Variants in MEI1 observed in about 807,000 individuals in gnomAD.
MEI1 encodes the protein meiosis inhibitor protein 1.
Under a neutral mutation model 146.2 loss-of-function variants are expected in MEI1, and 103 were observed. The ratio of observed to expected loss-of-function variants is 0.70; its 90% CI spans 0.60 to 0.83. The LOEUF is 0.83. Ranked by LOEUF, MEI1 falls within the 40% of genes least tolerant of loss-of-function variation. MEI1 has a pLI of 0.00. For synonymous variants in MEI1, 652 were observed against 628.2 expected, an observed-to-expected ratio of 1.04 and a Z score of -0.57; for missense variants, 1,529 against 1,533.0, an observed-to-expected ratio of 1.00 and a Z score of 0.04.
chr22:41,774,790 C>T (rs774859759), intron 20 of MEI1, among the ~76,000 whole-genome samples: 115 of 152,158 alleles, frequency 7.6e-4, no homozygotes, highest in Non-Finnish European at 1.4e-3. Flanking sequence ...TGTATAAACA[C>T]AACATAGTAC....
intron 20 of MEI1, among the ~76,000 whole-genome samples, chr22:41,773,290 A>G (rs2075282374): frequency 6.6e-6 from 1 of 152,332 alleles, no homozygotes; most frequent in South Asian, 2.1e-4. Flanking sequence ...AGGACTAGGA[A>G]GATAGAGGCT....
chr22:41,748,736 C>T (rs1294435906), intron 15 of MEI1, among the ~76,000 whole-genome samples: 1 of 151,974 alleles, frequency 6.6e-6, no homozygotes, highest in Admixed American at 6.6e-5. Context: ...GGTTAAGTAA[C>T]TTGCCTAAGG....
intron 19 of MEI1, 32 bp from the exon 20 acceptor site, chr22:41,770,654 G>A (rs1353402375): frequency 5.0e-6 from 8 of 1,601,840 alleles, no homozygotes; most frequent in African/African-American, 1.3e-5. Context: ...TCTGCAAGGT[G>A]TATTTACCTC....
intron 4 of MEI1, among the ~76,000 whole-genome samples, chr22:41,714,375 G>T (rs2069896477): frequency 6.6e-6 from 1 of 152,066 alleles, no homozygotes; most frequent in Non-Finnish European, 1.5e-5. Flanking sequence ...TTATAATACA[G>T]ATTTCCTTGA....
intron 15 of MEI1, among the ~76,000 whole-genome samples, chr22:41,749,835 G>A (rs935377333): frequency 6.6e-6 from 1 of 151,902 alleles, no homozygotes; most frequent in Non-Finnish European, 1.5e-5. Context: ...CTTCTGGCTG[G>A]CTTCTATGTG....
chr22:41,787,327 G>A (rs2076027675), intron 26 of MEI1, among the ~76,000 whole-genome samples: 1 of 152,118 alleles, frequency 6.6e-6, no homozygotes, highest in African/African-American at 2.4e-5. Context: ...ACAGCAATGA[G>A]AGAGTTTTAC....
chr22:41,749,003 A>ACC (rs1374252938), intron 15 of MEI1, among the ~76,000 whole-genome samples: 1 of 151,754 alleles, frequency 6.6e-6, no homozygotes, highest in Non-Finnish European at 1.5e-5. Flanking sequence ...ACGGGGTTTC[A>ACC]CCGTGTTAGC....
chr22:41,784,367 A>T lies in MEI1; in HGVS notation c.3116A>T (p.Asp1039Val). 6.2e-7 allele frequency: 1 copy of T among 1,613,938 alleles called. No homozygotes were observed. Among genetic ancestry groups the T allele is most frequent in the South Asian group, 1.1e-5 (1 of 91,086 alleles). The change falls in exon 25 of 31, where the codon GAC becomes GTC. Residue 1039 changes from aspartate to valine, a missense_variant. Coordinates refer to ENST00000401548, the MANE Select transcript of MEI1 (RefSeq NM_152513.4). ...CACCAGACACTCTCTGTGGAAATGG[A>T]CCAAGTATTGAAGGCTCTCAGCTTT... ...QVHQTLSVEM[D>V]QVLKALSFPK...
chr22:41,743,946 G>A (rs1232735467), intron 12 of MEI1, among the ~76,000 whole-genome samples: 8 of 151,754 alleles, frequency 5.3e-5, no homozygotes, highest in African/African-American at 9.7e-5. Context: ...GCACGATCTC[G>A]ACTCACTGCA....
At chr22:41,783,688 TTA>T (rs2075845418) in intron 24 of MEI1, among the ~76,000 whole-genome samples, 1 of 152,026 alleles carries the variant, frequency 6.6e-6, no homozygotes. Flanking sequence ...AGCCAGGATT[TTA>T]TTTTATTTTT....
chr22:41,714,097 C>G, intron 4 of MEI1, 22 bp downstream of exon 4: 1 of 1,575,938 alleles, frequency 6.3e-7, no homozygotes, highest in Non-Finnish European at 8.6e-7. Context: ...GCTATGGGTT[C>G]TTGAGTCTCT....
chr22:41,778,891 CTTCT>C, intron 22 of MEI1, 79 bp downstream of exon 22: 1 of 984,154 alleles, frequency 1.0e-6, no homozygotes, highest in South Asian at 1.4e-5. Context: ...GGCTGGTGTT[CTTCT>C]TTCTTCTACT....
chr22:41,717,359 C>T (rs140824863), intron 5 of MEI1, among the ~76,000 whole-genome samples: 1,811 of 152,110 alleles, frequency 0.012, 36 homozygotes, highest in African/African-American at 0.042. Flanking sequence ...GGTGGGGTTT[C>T]GCCATGTTGG....
At chr22:41,780,905 AC>A in intron 22 of MEI1, among the ~76,000 whole-genome samples, 1 of 152,290 alleles carries the variant, frequency 6.6e-6, no homozygotes, top group South Asian at 2.1e-4. Flanking sequence ...TTGATTGCTG[AC>A]GGGGACAAGA....
At chr22:41,775,611 T>TTTTTAAAAA (rs2075397988) in intron 20 of MEI1, among the ~76,000 whole-genome samples, 1 of 148,630 alleles carries the variant, frequency 6.7e-6, no homozygotes. Context: ...TTTTTTTTTT[T>TTTTTAAAAA]GAGACAGAGT....
chr22:41,779,609 C>T (rs904814407), intron 22 of MEI1, among the ~76,000 whole-genome samples: 3 of 152,066 alleles, frequency 2.0e-5, no homozygotes, highest in Non-Finnish European at 4.4e-5. Flanking sequence ...GGTTAAGATA[C>T]GGAATACTTA....
At chr22:41,734,248 G>T (rs941138187) in intron 11 of MEI1, among the ~76,000 whole-genome samples, 2 of 152,168 alleles carry the variant, frequency 1.3e-5, no homozygotes, top group East Asian at 1.9e-4. Flanking sequence ...GGTATCTTCA[G>T]GGGTCCTGGA....
intron 18 of MEI1, among the ~76,000 whole-genome samples, chr22:41,761,616 C>G (rs191695045): frequency 1.3e-5 from 2 of 151,956 alleles, no homozygotes; most frequent in Admixed American, 1.3e-4. Flanking sequence ...GCCCGGCCGA[C>G]TCAGTCTTAA....
At chr22:41,784,563 T>C (rs1317471867) in intron 25 of MEI1, 45 bp from the exon 26 acceptor site, 1 of 1,602,998 alleles carries the variant, frequency 6.2e-7, no homozygotes, top group Non-Finnish European at 8.5e-7. Context: ...GGGTGGGAGG[T>C]GGGAAGGAGA....
Sources: gnomAD v4.1 joint callset for allele counts (sites outside exome capture counted in the v4.1 genomes callset) on GRCh38, gnomAD v4.1.1 for gene constraint, MANE v1.5 for transcripts, NCBI Gene and HGNC (gene_info 2026-07-23, HGNC 2026-07-21) for gene names.